Variants in SMCHD1 observed in about 807,000 individuals in gnomAD.
SMCHD1 encodes structural maintenance of chromosomes flexible hinge domain-containing protein 1.
SMCHD1 carries 78 observed loss-of-function variants against 254.7 expected under a neutral mutation model. The observed-to-expected ratio is 0.31, with a 90% CI of 0.26 to 0.37. The LOEUF (loss-of-function observed/expected upper bound fraction) is 0.37. Ranked by LOEUF, SMCHD1 falls within the 10% of genes least tolerant of loss-of-function variation. SMCHD1 has a pLI of 1.00. For missense variants in SMCHD1, 1,840 were observed against 2,408.1 expected (o/e 0.76, Z 4.94); for synonymous variants, 766 against 794.9 (o/e 0.96, Z 0.61).
chr18:2,729,283 T>C lies in SMCHD1; in HGVS notation c.2922T>C (p.Gly974=), dbSNP rs2075089021. ...TTTCATCTTTCAAATAGTTTTCAGG[T>C]GCTCCAAACCTTCCAGTCTATGTTG... ...PKLIVHCKFS[G]APNLPVYVVD... is the part of the protein sequence containing the mutation. The change falls in exon 24 of 48, where the codon GGT becomes GGC. Residue 974 remains glycine, a synonymous_variant. Coordinates refer to ENST00000320876, the MANE Select transcript of SMCHD1 (RefSeq NM_015295.3). 17 of 1,480,432 alleles carry C rather than the reference T, an allele frequency of 1.1e-5. No homozygotes were observed. Among genetic ancestry groups the C allele is most frequent in the Non-Finnish European group, 1.5e-5 (17 of 1,117,348 alleles). The allele number at this position is 1,480,432 out of a possible 1,614,324, so 91.7% of individuals were successfully genotyped here. A position where few individuals can be genotyped will look rare whatever the true frequency, so the allele number is the denominator to read the frequency against.
At chr18:2,761,565 C>T (rs2075784105) in intron 35 of SMCHD1, among the ~76,000 whole-genome samples, 1 of 152,076 alleles carries the variant, frequency 6.6e-6, no homozygotes, top group African/African-American at 2.4e-5. Flanking sequence ...GCCTGTAATC[C>T]CAGCAGTTTG....
At chr18:2,768,594 T>C (rs1473099414) in intron 37 of SMCHD1, among the ~76,000 whole-genome samples, 3 of 121,168 alleles carry the variant, frequency 2.5e-5, no homozygotes, top group Non-Finnish European at 5.7e-5. Flanking sequence ...ACCCAATGAA[T>C]GAGTAGTATA....
At position 2,705,791 on chromosome 18, in the gene SMCHD1, A is replaced by G; in HGVS notation, c.1940A>G (p.Glu647Gly). ...HDGEVYATGG[E>G]VQIAMEPQAL... is the part of the protein sequence containing the mutation. ...GGAGAAGTATATGCTACAGGAGGAGAGGTTCAAATTGCAATGGTAAGACAG... is the reference window on the plus strand; with the variant it reads ...GGAGAAGTATATGCTACAGGAGGAGGGGTTCAAATTGCAATGGTAAGACAG... Residue 647 changes from glutamate to glycine, a missense_variant, in exon 14 of 48, where the codon GAG becomes GGG. This residue lies in a region of SMCHD1 where 498 missense variants were observed against 743.5 expected (regional missense o/e 0.67). Coordinates refer to ENST00000320876, the MANE Select transcript of SMCHD1 (RefSeq NM_015295.3). 6.3e-7 allele frequency: 1 copy of G among 1,595,590 alleles called. No homozygotes were observed. Among genetic ancestry groups the G allele is most frequent in the Non-Finnish European group, 8.6e-7 (1 of 1,167,596 alleles).
chr18:2,669,777 G>A (rs2073544980), intron 3 of SMCHD1, among the ~76,000 whole-genome samples: 1 of 152,116 alleles, frequency 6.6e-6, no homozygotes. Flanking sequence ...TCTAAAATGG[G>A]AACCCTCATC....
rs1391519255 is a variant in SMCHD1 at position 2,762,110 on chromosome 18, A to G, written c.4440A>G (p.Ile1480Met). ...KTNILNSEQV[I>M]VEVLPNQPVK... ...TGTCTCTTTTGTTTTGTAAGGTTAT[A>G]GTTGAAGTCCTGCCTAATCAACCTG... is the stretch of plus-strand genomic sequence containing the variant. The change falls in exon 36 of 48, where the codon ATA (isoleucine) becomes ATG (methionine). Residue 1480 changes from isoleucine to methionine, a missense_variant. Physicochemically the swap from Ile to Met is conservative, Grantham distance 10 (BLOSUM62 1). Coordinates refer to ENST00000320876, the MANE Select transcript of SMCHD1 (RefSeq NM_015295.3). 39 of 1,613,210 alleles carry G rather than the reference A, an allele frequency of 2.4e-5. No individual in the cohort carries two copies. Among genetic ancestry groups the G allele is most frequent in the Non-Finnish European group, 3.3e-5 (39 of 1,179,326 alleles).
intron 5 of SMCHD1, among the ~76,000 whole-genome samples, chr18:2,680,220 A>G (rs557756523): frequency 2.0e-5 from 3 of 152,240 alleles, no homozygotes; most frequent in East Asian, 1.9e-4. Context: ...CCATACTTTA[A>G]TATCTTTTTG....
At chr18:2,714,280 G>T (rs2074746836) in intron 17 of SMCHD1, among the ~76,000 whole-genome samples, 1 of 152,000 alleles carries the variant, frequency 6.6e-6, no homozygotes, top group Non-Finnish European at 1.5e-5. Flanking sequence ...TATTTTATTT[G>T]ATATCAGCTA....
chr18:2,795,025 T>C (rs892136385), intron 45 of SMCHD1, among the ~76,000 whole-genome samples: 4 of 148,498 alleles, frequency 2.7e-5, no homozygotes, highest in African/African-American at 9.9e-5. Flanking sequence ...GAGTGTGTTT[T>C]TAAAAAATTC....
chr18:2,678,593 A>C (rs1481028392), intron 5 of SMCHD1, among the ~76,000 whole-genome samples: 1 of 152,166 alleles, frequency 6.6e-6, no homozygotes, highest in Non-Finnish European at 1.5e-5. Context: ...CTGGGATTAC[A>C]GGCGTGAGCC....
In SMCHD1 at chr18:2,678,822, GT is replaced by G. The variant is rs572937755; in HGVS notation, c.638+4693del. ...GAATGTCTTAATCTTTCCGTTTTTT[GT>G]TTTTTTTTTTTTTTTGTTTGTTTGT... On this transcript the variant is annotated intron_variant, in intron 5 of 47. Coordinates refer to ENST00000320876, the MANE Select transcript of SMCHD1 (RefSeq NM_015295.3). Among the ~76,000 whole-genome samples the G allele has an allele frequency of 4.3e-3, 619 of 144,700 alleles. 2 individuals carry two copies. The highest frequency in any genetic ancestry group is 0.015 in the African/African-American group (570 of 38,304). 94.9% of individuals were successfully genotyped at this position (144,700 alleles called of 152,430 possible). A position where few individuals can be genotyped will look rare whatever the true frequency, so the allele number is the denominator to read the frequency against.
At chr18:2,759,429 A>G (rs1174237713) in intron 34 of SMCHD1, among the ~76,000 whole-genome samples, 5 of 148,910 alleles carry the variant, frequency 3.4e-5, no homozygotes, top group South Asian at 2.1e-4. Context: ...CCTCCTTTCT[A>G]TCTTATATTC....
chr18:2,773,855 G>A (rs1043367845), intron 41 of SMCHD1, among the ~76,000 whole-genome samples: 25 of 152,092 alleles, frequency 1.6e-4, no homozygotes, highest in Non-Finnish European at 3.1e-4. Context: ...CCTGGGAAGC[G>A]GAGGTTGCAG....
Position 2,732,251 on chromosome 18 carries a change from T to A in SMCHD1, c.3049-14T>A. The A allele has an allele frequency of 6.2e-7, 1 of 1,600,738 alleles. No individual in the cohort carries two copies. The highest frequency in any genetic ancestry group is 8.5e-7 in the Non-Finnish European group (1 of 1,170,790). ...CAGATATCACTCAGTGTTTGTGTTTTCTTCTCTTTCTAGAGTTGTAAAGAT... is the reference window on the plus strand; with the variant it reads ...CAGATATCACTCAGTGTTTGTGTTTACTTCTCTTTCTAGAGTTGTAAAGAT... On this transcript the variant is annotated splice_polypyrimidine_tract_variant and intron_variant, in intron 24 of 47. Transcript: ENST00000320876.
chr18:2,735,672 G>A (rs892194705), intron 25 of SMCHD1, among the ~76,000 whole-genome samples: 34 of 152,150 alleles, frequency 2.2e-4, no homozygotes, highest in African/African-American at 7.9e-4. Context: ...CCCATTTACG[G>A]TAGCCACAAA....
intron 3 of SMCHD1, among the ~76,000 whole-genome samples, chr18:2,671,187 C>T (rs984386493): frequency 2.6e-5 from 4 of 151,968 alleles, no homozygotes; most frequent in Non-Finnish European, 5.9e-5. Flanking sequence ...CTGCCCGTCT[C>T]GACCTCCCAA....
At chr18:2,761,885 T>G (rs552373039) in intron 35 of SMCHD1, among the ~76,000 whole-genome samples, 3 of 152,338 alleles carry the variant, frequency 2.0e-5, no homozygotes, top group East Asian at 3.8e-4. Flanking sequence ...CCTCTAAGTT[T>G]GTTCTTAGAT....
At chr18:2,791,367 A>G (rs1301605743) in intron 45 of SMCHD1, among the ~76,000 whole-genome samples, 1 of 152,188 alleles carries the variant, frequency 6.6e-6, no homozygotes, top group Non-Finnish European at 1.5e-5. Flanking sequence ...AGATGGGCGG[A>G]TTGCTTGAGA....
intron 37 of SMCHD1, among the ~76,000 whole-genome samples, chr18:2,765,979 C>A (rs1056853242): frequency 7.3e-6 from 1 of 136,096 alleles, no homozygotes; most frequent in Non-Finnish European, 1.7e-5. Context: ...ACCTGTTTTC[C>A]TGTTTAGCTA....
intron 22 of SMCHD1, 130 bp from the exon 23 acceptor site, chr18:2,728,327 C>T: frequency 1.2e-6 from 1 of 855,150 alleles, no homozygotes; most frequent in Non-Finnish European, 1.8e-6. Flanking sequence ...ATGGACATTG[C>T]CTATATTTTT....
Sources: gnomAD v4.1 joint callset for allele counts (sites outside exome capture counted in the v4.1 genomes callset) on GRCh38, gnomAD v4.1.1 for gene constraint, gnomAD v4.1.1 regional missense constraint, MANE v1.5 for transcripts, NCBI Gene and HGNC (gene_info 2026-07-23, HGNC 2026-07-21) for gene names.